The following SPATA16 variants were observed in gnomAD, a reference collection of about 807,000 sequenced individuals.
SPATA16 encodes the protein spermatogenesis-associated protein 16.
Under a neutral mutation model 63.3 loss-of-function variants are expected in SPATA16, and 36 were observed. The ratio of observed to expected loss-of-function variants is 0.57; its 90% confidence interval spans 0.44 to 0.75. The LOEUF (loss-of-function observed/expected upper bound fraction) is 0.75, where lower values mean the gene tolerates loss of function less well. Among genes scored for constraint, SPATA16 ranks in the 30% least tolerant of loss-of-function variants. The pLI, the probability that SPATA16 is intolerant of heterozygous loss-of-function variation, is 0.00. For missense variants in SPATA16, 646 were observed against 679.3 expected (o/e 0.95, Z 0.54); for synonymous variants, 203 against 216.7 (o/e 0.94, Z 0.56).
intron 2 of SPATA16, among the ~76,000 whole-genome samples, chr3:173,082,409 C>T (rs1448915701): frequency 6.6e-6 from 1 of 152,144 alleles, no homozygotes; most frequent in Non-Finnish European, 1.5e-5. Flanking sequence ...TCTGTCGCCC[C>T]TTACCCTTCC....
At chr3:172,917,915 C>G (rs1047627999) in intron 8 of SPATA16, among the ~76,000 whole-genome samples, 14 of 152,198 alleles carry the variant, frequency 9.2e-5, no homozygotes, top group African/African-American at 3.4e-4. Context: ...TCTCTAGAAT[C>G]TTGGAAATAA....
intron 2 of SPATA16, among the ~76,000 whole-genome samples, chr3:173,072,959 G>A (rs1031170394): frequency 6.6e-6 from 1 of 152,332 alleles, no homozygotes; most frequent in Admixed American, 6.5e-5. Context: ...AATCTAGGCT[G>A]TTGTGGTCTC....
At chr3:172,908,139 C>T (rs1187308408) in intron 10 of SPATA16, among the ~76,000 whole-genome samples, 1 of 152,054 alleles carries the variant, frequency 6.6e-6, no homozygotes, top group Non-Finnish European at 1.5e-5. Context: ...GAGGAGGTAT[C>T]CAGTAAATGT....
Position 173,049,454 on chromosome 3 carries a change from A to G in SPATA16, c.613-360T>C, listed in dbSNP as rs141422336. 2.5e-4 allele frequency among the ~76,000 whole-genome samples: 38 copies of G among 152,278 alleles called. No individual in the cohort carries two copies. In the East Asian group the frequency reaches 7.1e-3, roughly 29 times the overall value. On this transcript the variant is annotated intron_variant, in intron 2 of 10. Coordinates refer to ENST00000351008, the MANE Select transcript of SPATA16 (RefSeq NM_031955.6). ...TTTAAAAATAAAGCACACAATAACCAAAGATATTAACAGAAAGCCAGGCAT... is the reference window on the plus strand; with the variant it reads ...TTTAAAAATAAAGCACACAATAACCGAAGATATTAACAGAAAGCCAGGCAT...
At chr3:172,960,994 T>TC (rs1179454906) in intron 5 of SPATA16, among the ~76,000 whole-genome samples, 46 of 149,604 alleles carry the variant, frequency 3.1e-4, no homozygotes, top group Non-Finnish European at 5.9e-4. Flanking sequence ...TCTTTCTTTT[T>TC]TCTTTCTCTT....
At position 172,899,124 on chromosome 3, in the gene SPATA16, A is replaced by G. The variant is rs542402240; in HGVS notation, c.1588-9432T>C. On this transcript the variant is annotated intron_variant, in intron 10 of 10. Coordinates refer to ENST00000351008, the MANE Select transcript of SPATA16 (RefSeq NM_031955.6). ...ATTTTGGTGCATGTTCCATGGGCACATAAACGTTGATTAGATTCTGATGCT... is the reference window on the plus strand; with the variant it reads ...ATTTTGGTGCATGTTCCATGGGCACGTAAACGTTGATTAGATTCTGATGCT... 2.4e-4 allele frequency among the ~76,000 whole-genome samples: 37 copies of G among 152,158 alleles called. No homozygotes were observed. The South Asian group carries it at 2.7e-3, about 11-fold the overall frequency.
At chr3:173,006,485 G>A (rs1314371725) in intron 4 of SPATA16, among the ~76,000 whole-genome samples, 1 of 152,172 alleles carries the variant, frequency 6.6e-6, no homozygotes, top group Non-Finnish European at 1.5e-5. Flanking sequence ...CTTGCATGAT[G>A]AATGAATGCA....
In SPATA16 at chr3:173,005,169, A is replaced by G. The variant is rs558346611; in HGVS notation, c.848+14317T>C. 2.6e-5 allele frequency among the ~76,000 whole-genome samples: 4 copies of G among 152,056 alleles called. No homozygotes were observed. The South Asian group carries it at 8.3e-4, about 32-fold the overall frequency. On this transcript the variant is annotated intron_variant, in intron 4 of 10. Coordinates refer to ENST00000351008, the MANE Select transcript of SPATA16 (RefSeq NM_031955.6). ...AACCCTGTCTCTACTAAAACACACA[A>G]AAACGTCAACCAGGCATGGTGGCAC...
intron 1 of SPATA16, among the ~76,000 whole-genome samples, chr3:173,120,376 A>T (rs574180259): frequency 6.6e-6 from 1 of 152,278 alleles, no homozygotes; most frequent in African/African-American, 2.4e-5. Flanking sequence ...AAAGCTCAAA[A>T]TACCTGATTT....
At chr3:173,098,342 G>A (rs1472195126) in intron 2 of SPATA16, among the ~76,000 whole-genome samples, 3 of 152,168 alleles carry the variant, frequency 2.0e-5, no homozygotes, top group Admixed American at 6.6e-5. Flanking sequence ...CACGCATTTG[G>A]TATTTTATCT....
In SPATA16 at chr3:172,925,860, T is replaced by G. The variant is rs570669158; in HGVS notation, c.1082-368A>C. Among the ~76,000 whole-genome samples, 5 of 152,222 alleles carry G rather than the reference T, an allele frequency of 3.3e-5. No individual in the cohort carries two copies. The East Asian group carries it at 9.7e-4, about 29-fold the overall frequency. On this transcript the variant is annotated intron_variant, in intron 6 of 10. Coordinates refer to ENST00000351008, the MANE Select transcript of SPATA16 (RefSeq NM_031955.6). ...TTTTTTTTTAGATGGAGTCTTGCTC[T>G]TGTCGCCCAGGCTGGAATGTAATGG...
At chr3:172,959,787 CATAT>C (rs66806016) in intron 5 of SPATA16, among the ~76,000 whole-genome samples, 8,197 of 135,400 alleles carry the variant, frequency 0.061, 293 homozygotes, top group Non-Finnish European at 0.077. Context: ...AGTAATATAA[CATAT>C]ATATATATAT....
chr3:172,918,335 G>C (rs1380396910), intron 8 of SPATA16, among the ~76,000 whole-genome samples: 1 of 152,190 alleles, frequency 6.6e-6, no homozygotes, highest in African/African-American at 2.4e-5. Flanking sequence ...TAATCTGTCA[G>C]TGTAATTTTC....
intron 4 of SPATA16, among the ~76,000 whole-genome samples, chr3:173,007,042 G>C (rs1224723832): frequency 6.6e-6 from 1 of 152,086 alleles, no homozygotes. Flanking sequence ...TTGTCTTTGA[G>C]GTTTTTACTG....
chr3:173,119,049 GA>G (rs1422513706), intron 1 of SPATA16, among the ~76,000 whole-genome samples: 1 of 151,998 alleles, frequency 6.6e-6, no homozygotes, highest in Non-Finnish European at 1.5e-5. Flanking sequence ...GTTTGCCGAA[GA>G]AGACCCTTAA....
chr3:173,131,793 C>A (rs1738393912), intron 1 of SPATA16, among the ~76,000 whole-genome samples: 1 of 151,934 alleles, frequency 6.6e-6, no homozygotes, highest in Admixed American at 6.6e-5. Context: ...ATGAAACAGT[C>A]CCTAATTAAA....
chr3:172,959,479 C>T (rs1179524396), intron 5 of SPATA16, among the ~76,000 whole-genome samples: 1 of 152,128 alleles, frequency 6.6e-6, no homozygotes, highest in Non-Finnish European at 1.5e-5. Context: ...TGGGTTCTTC[C>T]ATGGATTCTG....
chr3:172,916,504 G>A, intron 8 of SPATA16, 23 bp from the exon 9 acceptor site: 1 of 1,613,222 alleles, frequency 6.2e-7, no homozygotes, highest in Non-Finnish European at 8.5e-7. Context: ...TAAAAGAAAT[G>A]TTTTAGAACA....
intron 3 of SPATA16, 140 bp from the exon 4 acceptor site, chr3:173,019,715 G>A (rs1014291139): frequency 4.9e-5 from 36 of 741,456 alleles, no homozygotes; most frequent in African/African-American, 3.9e-4. Context: ...GCCCTTCCCC[G>A]CCCCCCGTAA....
Sources: allele counts gnomAD v4.1 joint callset (sites outside exome capture counted in the v4.1 genomes callset), GRCh38; gene constraint gnomAD v4.1.1; transcripts MANE v1.5; gene names NCBI Gene and HGNC (gene_info 2026-07-23, HGNC 2026-07-21).